Variants in MPDZ observed in about 807,000 individuals in gnomAD.
The protein encoded by MPDZ is multiple PDZ domain crumbs cell polarity complex component.
A neutral mutation model predicts 239.1 loss-of-function variants in MPDZ; 234 were observed. The ratio of observed to expected loss-of-function variants is 0.98; its 90% CI spans 0.88 to 1.09. The LOEUF (loss-of-function observed/expected upper bound fraction) is 1.09, where lower values mean the gene tolerates loss of function less well. Among genes scored for constraint, MPDZ ranks in the 50% least tolerant of loss-of-function variants. MPDZ has a pLI of 0.00. For missense variants in MPDZ, 3,175 were observed against 2,510.0 expected (o/e 1.26, Z -5.66); for synonymous variants, 1,048 against 881.3 (o/e 1.19, Z -3.35).
chr9:13,181,108 A>G (rs956659882), intron 19 of MPDZ, among the ~76,000 whole-genome samples: 4 of 152,200 alleles, frequency 2.6e-5, no homozygotes, highest in South Asian at 2.1e-4. Flanking sequence ...CCCTGTTGCC[A>G]TTTAAGGCTA....
At chr9:13,213,154 T>C (rs973860440) in intron 10 of MPDZ, among the ~76,000 whole-genome samples, 3 of 152,066 alleles carry the variant, frequency 2.0e-5, no homozygotes, top group Admixed American at 1.3e-4. Flanking sequence ...TTTGTTCAAC[T>C]TTTTGAAAAA....
intron 1 of MPDZ, among the ~76,000 whole-genome samples, chr9:13,274,287 T>G (rs1973671997): frequency 1.3e-5 from 2 of 151,810 alleles, no homozygotes; most frequent in East Asian, 1.9e-4. Context: ...TGTTACTGGG[T>G]TTTTTTTCTT....
rs1187924632 is a variant in MPDZ at position 13,143,457 on chromosome 9, T to G, written c.3840+9A>C. 6.2e-7 allele frequency: 1 copy of G among 1,602,276 alleles called. No individual in the cohort carries two copies. Among genetic ancestry groups the G allele is most frequent in the Non-Finnish European group, 8.6e-7 (1 of 1,169,588 alleles). On this transcript the variant is annotated intron_variant, in intron 27 of 46. Transcript: ENST00000319217. ...GCAACCAACAGCAAGACAATGGGCA[T>G]TATCCAACCTTGTCGGCGTTGATTT...
Position 13,242,196 on chromosome 9 carries a change from T to C in MPDZ, c.183+5439A>G, listed in dbSNP as rs557406021. Among the ~76,000 whole-genome samples, 367 of 148,084 alleles carry C rather than the reference T, an allele frequency of 2.5e-3. 2 individuals carry two copies. The highest frequency in any genetic ancestry group is 4.6e-3 in the Non-Finnish European group (310 of 66,922). On this transcript the variant is annotated intron_variant, in intron 3 of 46. Coordinates refer to ENST00000319217, the MANE Select transcript of MPDZ (RefSeq NM_001378778.1). Reference sequence around the variant, plus strand: ...TCAAAATGTCATTAAAACCACTACCTTAATTTTATGTTAGGATGCTTTTTT... The same window carrying C: ...TCAAAATGTCATTAAAACCACTACCCTAATTTTATGTTAGGATGCTTTTTT...
At chr9:13,260,645 G>C (rs999625805) in intron 1 of MPDZ, among the ~76,000 whole-genome samples, 1 of 152,152 alleles carries the variant, frequency 6.6e-6, no homozygotes. Flanking sequence ...GTGGGGTTCT[G>C]ATCCAATAGA....
intron 40 of MPDZ, among the ~76,000 whole-genome samples, chr9:13,114,723 A>G (rs1243868338): frequency 6.6e-6 from 1 of 151,996 alleles, no homozygotes; most frequent in African/African-American, 2.4e-5. Flanking sequence ...GACATGGCGA[A>G]ACCCCATCTC....
Position 13,279,538 on chromosome 9 carries a change from T to C in MPDZ, c.-196A>G, listed in dbSNP as rs1975210931. On this transcript the variant is annotated 5_prime_UTR_variant, in exon 1 of 47. Transcript: ENST00000319217. Reference sequence around the variant, plus strand: ...TGAAGTAACGACCCGGCGAGGAGCTTCGGATCAAAACGCACAGACACTCAC... The same window carrying C: ...TGAAGTAACGACCCGGCGAGGAGCTCCGGATCAAAACGCACAGACACTCAC... The C allele has an allele frequency of 2.9e-4, 2 of 6,996 alleles. No individual in the cohort carries two copies. The highest frequency in any genetic ancestry group is 0.12 in the East Asian group (2 of 16). The allele number at this position is 6,996 out of a possible 1,614,324, so 0.4% of individuals were successfully genotyped here.
chr9:13,228,237 C>A (rs1961247801), intron 3 of MPDZ, among the ~76,000 whole-genome samples: 1 of 152,082 alleles, frequency 6.6e-6, no homozygotes, highest in African/African-American at 2.4e-5. Context: ...TCTGGCTGAA[C>A]ATTTCAGTCT....
Position 13,109,984 on chromosome 9 carries a change from C to T in MPDZ, c.5910G>A (p.Leu1970=). ...CATCCTGAAATATACTGCTTGACGT[C>T]AGCCCAGTGAAAGAAAGACTGGAAC... is the stretch of plus-strand genomic sequence containing the variant. ...PASSSLSFTG[L]TSSSIFQDDL... Residue 1970 remains leucine (L), a synonymous_variant, in exon 45 of 47, where the codon CTG becomes CTA. Coordinates refer to ENST00000319217, the MANE Select transcript of MPDZ (RefSeq NM_001378778.1). 6.2e-7 allele frequency: 1 copy of T among 1,613,278 alleles called. No homozygotes were observed. Among genetic ancestry groups the T allele is most frequent in the Non-Finnish European group, 8.5e-7 (1 of 1,179,690 alleles).
At chr9:13,242,958 G>A (rs941518151) in intron 3 of MPDZ, among the ~76,000 whole-genome samples, 3 of 152,102 alleles carry the variant, frequency 2.0e-5, no homozygotes, top group Non-Finnish European at 2.9e-5. Flanking sequence ...AGTTTCCCTC[G>A]GGAATGGAGA....
At chr9:13,195,020 G>A (rs1315961523) in intron 13 of MPDZ, among the ~76,000 whole-genome samples, 1 of 152,110 alleles carries the variant, frequency 6.6e-6, no homozygotes, top group East Asian at 1.9e-4. Context: ...AGGTGCAGTG[G>A]TGCATGCCTG....
chr9:13,216,467 T>C (rs999383435), intron 10 of MPDZ, among the ~76,000 whole-genome samples: 4 of 151,092 alleles, frequency 2.6e-5, no homozygotes, highest in Admixed American at 2.6e-4. Flanking sequence ...ACCTCTGGAG[T>C]ATCTGCAAGG....
At position 13,186,349 on chromosome 9, in the gene MPDZ, T is replaced by C; in HGVS notation, c.2402A>G (p.Asp801Gly). 7.6e-6 allele frequency: 12 copies of C among 1,588,934 alleles called. No individual in the cohort carries two copies. The highest frequency in any genetic ancestry group is 1.0e-5 in the Non-Finnish European group (12 of 1,167,058). Reference protein sequence around the residue: ...PEEGYVSAKEDSFLYPPHSCE... With the variant: ...PEEGYVSAKEGSFLYPPHSCE... ...GGAGTGTGGTGGGTAGAGAAAGGAA[T>C]CCTCCTTAGCAGAAACATAACCTTC... Residue 801 changes from aspartate (D) to glycine (G), a missense_variant, in exon 18 of 47, where the codon GAT (aspartate) becomes GGT (glycine). Physicochemically the swap from Asp to Gly is moderately conservative, Grantham distance 94. Transcript: ENST00000319217.
chr9:13,198,743 G>C lies in MPDZ; in HGVS notation c.1547-2513C>G, dbSNP rs1234340018. Among the ~76,000 whole-genome samples the C allele has an allele frequency of 1.5e-3, 83 of 55,576 alleles. 2 individuals carry two copies. Among genetic ancestry groups the C allele is most frequent in the South Asian group, 8.1e-3 (15 of 1,854 alleles). 36.5% of individuals were successfully genotyped at this position (55,576 alleles called of 152,430 possible). A position where few individuals can be genotyped will look rare whatever the true frequency, so the allele number is the denominator to read the frequency against. Reference sequence around the variant, plus strand: ...AGGTCTTTAATCTCTCTCTCTGTGTGTGTGTGTGTGTGTGTGTGTGTGTGT... The same window carrying C: ...AGGTCTTTAATCTCTCTCTCTGTGTCTGTGTGTGTGTGTGTGTGTGTGTGT... On this transcript the variant is annotated intron_variant, in intron 12 of 46. Transcript: ENST00000319217.
At chr9:13,164,618 C>T (rs1311998282) in intron 22 of MPDZ, among the ~76,000 whole-genome samples, 1 of 152,112 alleles carries the variant, frequency 6.6e-6, no homozygotes, top group Non-Finnish European at 1.5e-5. Context: ...ATGTTTCCAT[C>T]CCAAACAATG....
chr9:13,110,437 T>C (rs563672898), intron 44 of MPDZ, among the ~76,000 whole-genome samples, 199 bp downstream of exon 44: 1 of 152,246 alleles, frequency 6.6e-6, no homozygotes, highest in African/African-American at 2.4e-5. Flanking sequence ...TATAAAACAA[T>C]CAATGCATCA....
rs760810125 is a variant in MPDZ, at chr9:13,126,522, A to C, written c.4626T>G (p.Ile1542Met). The change falls in exon 34 of 47, where the codon ATT (isoleucine) becomes ATG (methionine). Residue 1542 changes from isoleucine (I) to methionine (M), a missense_variant. Ile to Met is a conservative substitution (Grantham distance 10, BLOSUM62 1). Transcript: ENST00000319217. ...CTTTATTTTGGAAAATTACCTTTTC[A>C]ATAGGGTAACCAACAACAATTTCAT... ...VDDEIVVGYP[I>M]EKFISLLKTA... 6.4e-7 allele frequency: 1 copy of C among 1,560,472 alleles called. No individual in the cohort carries two copies. The highest frequency in any genetic ancestry group is 1.2e-5 in the South Asian group (1 of 85,036).
intron 2 of MPDZ, among the ~76,000 whole-genome samples, chr9:13,249,147 C>T (rs888220964): frequency 2.0e-5 from 3 of 149,076 alleles, no homozygotes; most frequent in African/African-American, 7.4e-5. Flanking sequence ...CAAACTTAAA[C>T]AAACAATATT....
At chr9:13,132,278 T>C (rs1252944649) in intron 32 of MPDZ, among the ~76,000 whole-genome samples, 1 of 152,170 alleles carries the variant, frequency 6.6e-6, no homozygotes, top group East Asian at 1.9e-4. Context: ...ACCCTTAATA[T>C]AGGCAGCACC....
Sources: allele counts gnomAD v4.1 joint callset (sites outside exome capture counted in the v4.1 genomes callset), GRCh38; gene constraint gnomAD v4.1.1; transcripts MANE v1.5; gene names NCBI Gene and HGNC (gene_info 2026-07-23, HGNC 2026-07-21).